The following ALK variants were observed in gnomAD, a reference collection of about 807,000 sequenced individuals.
ALK encodes the protein ALK receptor tyrosine kinase.
A neutral mutation model predicts 163.1 loss-of-function variants in ALK; 74 were observed. The observed-to-expected ratio is 0.45, with a 90% CI of 0.38 to 0.55. The LOEUF (loss-of-function observed/expected upper bound fraction) is 0.55, where lower values mean the gene tolerates loss of function less well. Among genes scored for constraint, ALK ranks in the 20% least tolerant of loss-of-function variants. ALK has a pLI of 0.00. For missense variants in ALK, 2,063 were observed against 2,105.3 expected, an observed-to-expected ratio of 0.98 and a Z score of 0.39; for synonymous variants, 960 against 843.2, an observed-to-expected ratio of 1.14 and a Z score of -2.40.
intron 5 of ALK, among the ~76,000 whole-genome samples, chr2:29,365,720 T>A (rs1668488899): frequency 6.6e-6 from 1 of 152,142 alleles, no homozygotes; most frequent in Non-Finnish European, 1.5e-5. Flanking sequence ...TAATGGAACA[T>A]CAGAATTTTA....
intron 3 of ALK, among the ~76,000 whole-genome samples, chr2:29,611,136 A>T (rs1209177762): frequency 2.6e-5 from 4 of 152,106 alleles, no homozygotes; most frequent in Admixed American, 6.6e-5. Flanking sequence ...ATCAAATGTG[A>T]TTTGGGGGTT....
Position 29,193,801 on chromosome 2 carries a change from T to C in ALK, c.4286A>G (p.Gln1429Arg), listed in dbSNP as rs55906201. ...EGVPPLLVSQ[Q>R]AKREEERSPA... ...GCTGCGCTCCTCCTCCCGTTTTGCC[T>C]GTTGAGAGACCAGGAGAGGAGGAAC... Residue 1429 changes from glutamine (Q) to arginine (R), a missense_variant, in exon 29 of 29, where the codon CAG (glutamine) becomes CGG (arginine). By Grantham distance (43) the Gln-to-Arg change is conservative. Coordinates refer to ENST00000389048, the MANE Select transcript of ALK (RefSeq NM_004304.5). The C allele has an allele frequency of 3.8e-6, 6 of 1,598,528 alleles. No homozygotes were observed. The East Asian group carries it at 1.3e-4, about 36-fold the overall frequency.
intron 3 of ALK, among the ~76,000 whole-genome samples, chr2:29,546,742 G>A (rs964526972): frequency 9.2e-5 from 14 of 152,148 alleles, no homozygotes; most frequent in African/African-American, 3.4e-4. Context: ...AGAGGTAGCG[G>A]CTTTTATTGC....
chr2:29,625,601 T>G lies in ALK; in HGVS notation c.952+69249A>C, dbSNP rs540518251. On this transcript the variant is annotated intron_variant, in intron 3 of 28. Transcript: ENST00000389048. ...TGAAGGGGTTGCGTCGGGAGAAATC[T>G]GTTGTTAGGCATTTTCATCACTGTG... 4.5e-4 allele frequency among the ~76,000 whole-genome samples: 68 copies of G among 152,334 alleles called. 1 individual carries two copies. Among genetic ancestry groups the G allele is most frequent in the African/African-American group, 1.3e-3 (56 of 41,590 alleles).
chr2:29,846,838 T>C (rs372821502), intron 1 of ALK, among the ~76,000 whole-genome samples: 35 of 152,312 alleles, frequency 2.3e-4, no homozygotes, highest in Admixed American at 5.2e-4. Flanking sequence ...AGAGATTCTA[T>C]GAGATAGGTT....
intron 4 of ALK, among the ~76,000 whole-genome samples, chr2:29,440,565 C>T (rs977719484): frequency 6.6e-6 from 1 of 152,158 alleles, no homozygotes; most frequent in Admixed American, 6.5e-5. Context: ...GATCCGCCTG[C>T]CTTGGCCTCC....
chr2:29,463,898 C>T (rs1671144670), intron 4 of ALK, among the ~76,000 whole-genome samples: 1 of 152,144 alleles, frequency 6.6e-6, no homozygotes, highest in South Asian at 2.1e-4. Flanking sequence ...CCCAACCAGC[C>T]AAAGTAGGTA....
At chr2:29,284,808 T>C (rs1665808078) in intron 9 of ALK, among the ~76,000 whole-genome samples, 1 of 152,196 alleles carries the variant, frequency 6.6e-6, no homozygotes, top group Non-Finnish European at 1.5e-5. Flanking sequence ...GAATGTTTGA[T>C]TTCTATATAT....
chr2:29,677,980 G>A (rs149743619), intron 3 of ALK, among the ~76,000 whole-genome samples: 1 of 152,066 alleles, frequency 6.6e-6, no homozygotes, highest in African/African-American at 2.4e-5. Context: ...AGTCTATTCA[G>A]ATTTTAATAT....
intron 4 of ALK, among the ~76,000 whole-genome samples, chr2:29,404,390 A>T (rs1669530893): frequency 1.3e-5 from 2 of 152,196 alleles, no homozygotes; most frequent in Non-Finnish European, 2.9e-5. Flanking sequence ...TTACTCAAAC[A>T]GAACACCTTA....
intron 5 of ALK, among the ~76,000 whole-genome samples, chr2:29,334,996 A>G (rs1476285270): frequency 6.6e-6 from 1 of 152,212 alleles, no homozygotes; most frequent in African/African-American, 2.4e-5. Flanking sequence ...CTGTGGTTAT[A>G]AAATGATTGT....
intron 1 of ALK, among the ~76,000 whole-genome samples, chr2:29,863,294 T>C (rs62129769): frequency 5.3e-5 from 8 of 152,166 alleles, no homozygotes; most frequent in Non-Finnish European, 8.8e-5. Context: ...GTTAAGCTGC[T>C]TCTACACAGT....
At chr2:29,369,037 C>T (rs115505147) in intron 5 of ALK, among the ~76,000 whole-genome samples, 3,028 of 152,314 alleles carry the variant, frequency 0.02, 34 homozygotes, top group Middle Eastern at 0.037. Context: ...AGAAAAGACT[C>T]TTCTCAAGAC....
intron 1 of ALK, among the ~76,000 whole-genome samples, chr2:29,821,035 G>T (rs1417933655): frequency 6.6e-6 from 1 of 152,180 alleles, no homozygotes; most frequent in African/African-American, 2.4e-5. Context: ...CCTGGAGCTT[G>T]CCCGAGTGAG....
intron 3 of ALK, among the ~76,000 whole-genome samples, chr2:29,621,513 G>A (rs1365985051): frequency 2.0e-5 from 3 of 152,166 alleles, no homozygotes; most frequent in Admixed American, 1.3e-4. Context: ...ACTCCATGTA[G>A]AAGGCAAGAT....
At chr2:29,780,225 C>T (rs1219493813) in intron 1 of ALK, among the ~76,000 whole-genome samples, 1 of 152,218 alleles carries the variant, frequency 6.6e-6, no homozygotes, top group East Asian at 1.9e-4. Flanking sequence ...GTCTTGGTGC[C>T]TGCCTCATCT....
At chr2:29,280,635 A>G (rs557188620) in intron 9 of ALK, among the ~76,000 whole-genome samples, 13 of 143,204 alleles carry the variant, frequency 9.1e-5, no homozygotes, top group Middle Eastern at 4.2e-3. Context: ...ACTGAGGGAA[A>G]GTTCTAGAAT....
At chr2:29,448,852 A>G (rs145092820) in intron 4 of ALK, among the ~76,000 whole-genome samples, 6 of 152,218 alleles carry the variant, frequency 3.9e-5, no homozygotes, top group African/African-American at 1.4e-4. Flanking sequence ...CTCTTAGAAA[A>G]TCTTTATTTA....
chr2:29,591,537 A>C, intron 3 of ALK, among the ~76,000 whole-genome samples: 1 of 152,156 alleles, frequency 6.6e-6, no homozygotes, highest in East Asian at 1.9e-4. Flanking sequence ...GAAGAATATA[A>C]AACGTCAGAG....
Sources: allele counts gnomAD v4.1 joint callset (sites outside exome capture counted in the v4.1 genomes callset), GRCh38; gene constraint gnomAD v4.1.1; transcripts MANE v1.5; gene names NCBI Gene and HGNC (gene_info 2026-07-23, HGNC 2026-07-21).